Variants in PLCB1 observed in about 807,000 individuals in gnomAD.
The protein encoded by PLCB1 is phospholipase C beta 1.
PLCB1 carries 46 observed loss-of-function variants against 161.8 expected under a neutral mutation model. The ratio of observed to expected loss-of-function variants is 0.28; its 90% CI spans 0.22 to 0.36. The LOEUF (loss-of-function observed/expected upper bound fraction) is 0.36. PLCB1 is among the 10% of genes least tolerant of loss of function. The pLI, the probability that PLCB1 is intolerant of heterozygous loss-of-function variation, is 1.00. For synonymous variants in PLCB1, 517 were observed against 503.7 expected, an observed-to-expected ratio of 1.03 and a Z score of -0.35; for missense variants, 1,016 against 1,472.5, an observed-to-expected ratio of 0.69 and a Z score of 5.07.
chr20:8,175,736 A>C (rs1460251431), intron 2 of PLCB1, among the ~76,000 whole-genome samples: 2 of 152,202 alleles, frequency 1.3e-5, no homozygotes, highest in African/African-American at 4.8e-5. Flanking sequence ...AGACTGAGAG[A>C]AAGTGTTTGT....
intron 2 of PLCB1, among the ~76,000 whole-genome samples, chr20:8,370,137 C>T (rs1026967029): frequency 1.3e-5 from 2 of 152,122 alleles, no homozygotes; most frequent in African/African-American, 4.8e-5. Flanking sequence ...TGCTCATTGC[C>T]CAGGAATCAT....
intron 3 of PLCB1, among the ~76,000 whole-genome samples, chr20:8,611,418 A>G (rs1334122325): frequency 6.6e-6 from 1 of 152,150 alleles, no homozygotes; most frequent in Non-Finnish European, 1.5e-5. Context: ...AGGGATCACC[A>G]AAAAAGGCTT....
chr20:8,480,034 C>T (rs1300719207), intron 3 of PLCB1, among the ~76,000 whole-genome samples: 7 of 152,082 alleles, frequency 4.6e-5, no homozygotes, highest in African/African-American at 1.7e-4. Flanking sequence ...GGGACAGTAG[C>T]TGAGAAATAA....
chr20:8,482,753 G>C (rs941720191), intron 3 of PLCB1, among the ~76,000 whole-genome samples: 2 of 152,206 alleles, frequency 1.3e-5, no homozygotes, highest in African/African-American at 2.4e-5. Context: ...AATCCAGACT[G>C]CTTGCCAAGT....
intron 2 of PLCB1, among the ~76,000 whole-genome samples, chr20:8,244,134 AC>A (rs1168861900): frequency 2.1e-4 from 32 of 152,102 alleles, no homozygotes; most frequent in Admixed American, 1.8e-3. Context: ...GATATAGATA[AC>A]GAGAACTCTA....
chr20:8,446,972 C>T (rs984324025), intron 3 of PLCB1, among the ~76,000 whole-genome samples: 1 of 151,986 alleles, frequency 6.6e-6, no homozygotes, highest in Non-Finnish European at 1.5e-5. Flanking sequence ...AAAGAGGACT[C>T]GGTGATCTGG....
In PLCB1 at chr20:8,543,670, C is replaced by T. The variant is rs370102248; in HGVS notation, c.247-84624C>T. ...CACATCTGATACGGTTTGGCTGTGC[C>T]GTCACCCAAATCATCTTGAATTGTA... On this transcript the variant is annotated intron_variant, in intron 3 of 31. Coordinates refer to ENST00000338037, the MANE Select transcript of PLCB1 (RefSeq NM_015192.4). 5.3e-3 allele frequency among the ~76,000 whole-genome samples: 717 copies of T among 134,968 alleles called. 4 individuals are homozygous for T. The highest frequency in any genetic ancestry group is 0.018 in the African/African-American group (665 of 36,630). The allele number at this position is 134,968 out of a possible 152,430, so 88.5% of individuals were successfully genotyped here. A position where few individuals can be genotyped will look rare whatever the true frequency, so the allele number is the denominator to read the frequency against.
intron 3 of PLCB1, among the ~76,000 whole-genome samples, chr20:8,469,052 C>T (rs1041540790): frequency 2.0e-5 from 3 of 152,130 alleles, no homozygotes; most frequent in Non-Finnish European, 4.4e-5. Flanking sequence ...ATTTCCCAGG[C>T]GATGCTGACA....
At chr20:8,640,279 G>A (rs1988905988) in intron 4 of PLCB1, among the ~76,000 whole-genome samples, 1 of 152,202 alleles carries the variant, frequency 6.6e-6, no homozygotes, top group Admixed American at 6.5e-5. Context: ...AAGCAGATAA[G>A]CAGCATGCTT....
intron 2 of PLCB1, among the ~76,000 whole-genome samples, chr20:8,226,339 G>T (rs6133556): frequency 0.11 from 16,402 of 152,082 alleles, 1,781 homozygotes; most frequent in East Asian, 0.57. Flanking sequence ...GGTCACCTTT[G>T]CCTGGTCACC....
intron 27 of PLCB1, among the ~76,000 whole-genome samples, chr20:8,779,644 T>C (rs1251509607): frequency 6.6e-6 from 1 of 151,854 alleles, no homozygotes; most frequent in Non-Finnish European, 1.5e-5. Context: ...ATGCAGAGTC[T>C]CAGGCCCCAC....
At chr20:8,739,150 C>CA (rs939671553) in intron 20 of PLCB1, 111 bp from the exon 21 acceptor site, 2 of 756,056 alleles carry the variant, frequency 2.6e-6, no homozygotes, top group Non-Finnish European at 4.7e-6. Context: ...GACTCTATCT[C>CA]AAAAAAAGAA....
intron 3 of PLCB1, among the ~76,000 whole-genome samples, chr20:8,501,529 C>G (rs1294858407): frequency 6.6e-6 from 1 of 152,208 alleles, no homozygotes; most frequent in African/African-American, 2.4e-5. Context: ...CTGTGGCCAC[C>G]TCTCTAGAGA....
At chr20:8,615,885 A>G (rs1353031989) in intron 3 of PLCB1, among the ~76,000 whole-genome samples, 1 of 152,126 alleles carries the variant, frequency 6.6e-6, no homozygotes, top group Non-Finnish European at 1.5e-5. Flanking sequence ...CCCCAAAGGC[A>G]CCTCAGACTT....
intron 2 of PLCB1, among the ~76,000 whole-genome samples, chr20:8,356,165 A>G (rs1016623585): frequency 1.3e-5 from 2 of 152,176 alleles, no homozygotes; most frequent in African/African-American, 4.8e-5. Flanking sequence ...ATAGGATAAC[A>G]TGCTTCTTCT....
At chr20:8,717,128 G>A (rs1162183990) in intron 13 of PLCB1, among the ~76,000 whole-genome samples, 2 of 152,168 alleles carry the variant, frequency 1.3e-5, no homozygotes, top group Non-Finnish European at 2.9e-5. Flanking sequence ...TGAATCTTAG[G>A]GCTGGGAGGA....
intron 2 of PLCB1, among the ~76,000 whole-genome samples, chr20:8,353,575 C>T (rs918252537): frequency 6.6e-6 from 1 of 152,088 alleles, no homozygotes; most frequent in African/African-American, 2.4e-5. Context: ...GTACCTTTGA[C>T]ATGATGTGAT....
rs541862720 is a variant in PLCB1, at chr20:8,708,813, G to T, written c.1250+61G>T. The T allele has an allele frequency of 9.0e-5, 87 of 964,842 alleles. No individual in the cohort carries two copies. The African/African-American group carries it at 1.3e-3, about 14-fold the overall frequency. The allele number at this position is 964,842 out of a possible 1,614,324, so 59.8% of individuals were successfully genotyped here. A position where few individuals can be genotyped will look rare whatever the true frequency, so the allele number is the denominator to read the frequency against. On this transcript the variant is annotated intron_variant, in intron 12 of 31. Transcript: ENST00000338037. ...CCCGAATAGGGCATACTGAGTAATT[G>T]TTTATCAGATTTAAGATTATTTGAC...
At chr20:8,552,821 G>T in intron 3 of PLCB1, among the ~76,000 whole-genome samples, 1 of 152,192 alleles carries the variant, frequency 6.6e-6, no homozygotes, top group Admixed American at 6.5e-5. Flanking sequence ...GACATTTACT[G>T]CCTGGCCCTG....
Sources: allele counts gnomAD v4.1 joint callset (sites outside exome capture counted in the v4.1 genomes callset), GRCh38; gene constraint gnomAD v4.1.1; transcripts MANE v1.5; gene names NCBI Gene and HGNC (gene_info 2026-07-23, HGNC 2026-07-21).